MBOAT2: variants seen among roughly 807,000 people sequenced by gnomAD.
The protein encoded by MBOAT2 is membrane-bound glycerophospholipid O-acyltransferase 2.
Under a neutral mutation model 63.4 loss-of-function variants are expected in MBOAT2, and 28 were observed. The observed-to-expected ratio is 0.44, with a 90% confidence interval of 0.33 to 0.61. The LOEUF is 0.61. Among genes scored for constraint, MBOAT2 ranks in the 20% least tolerant of loss-of-function variants. The pLI, the probability that MBOAT2 is intolerant of heterozygous loss-of-function variation, is 0.03. For synonymous variants in MBOAT2, 211 were observed against 215.6 expected (o/e 0.98, Z 0.19); for missense variants, 470 against 605.8 (o/e 0.78, Z 2.35).
At position 8,885,020 on chromosome 2, in the gene MBOAT2, C is replaced by T. The variant is rs367634623; in HGVS notation, c.452-2455G>A. ...CACATTGCAGGTGGAGACTGAAAGC[C>T]TGCCACTGCTGCTGTGTCTAACAGC... On this transcript the variant is annotated intron_variant, in intron 5 of 12. Transcript: ENST00000305997. Among the ~76,000 whole-genome samples, 35 of 152,358 alleles carry T rather than the reference C, an allele frequency of 2.3e-4. No individual in the cohort carries two copies. In the South Asian group the frequency reaches 7.0e-3, roughly 31 times the overall value.
At chr2:8,952,908 TC>T in intron 2 of MBOAT2, among the ~76,000 whole-genome samples, 1 of 152,194 alleles carries the variant, frequency 6.6e-6, no homozygotes, top group East Asian at 1.9e-4. Flanking sequence ...GAAGAATGGG[TC>T]TTTTGTTTTT....
At chr2:8,885,057 G>A (rs942239289) in intron 5 of MBOAT2, among the ~76,000 whole-genome samples, 1 of 152,196 alleles carries the variant, frequency 6.6e-6, no homozygotes, top group Non-Finnish European at 1.5e-5. Context: ...GATACGGGTA[G>A]TCCAGTGATT....
intron 9 of MBOAT2, 89 bp downstream of exon 9, chr2:8,868,357 A>T (rs1284709554): frequency 9.3e-7 from 1 of 1,073,382 alleles, no homozygotes; most frequent in Non-Finnish European, 1.4e-6. Context: ...AACCTTCAAT[A>T]CCACTCCTAG....
chr2:9,000,184 ATTG>A (rs148266984), intron 1 of MBOAT2, among the ~76,000 whole-genome samples: 3,207 of 152,356 alleles, frequency 0.021, 61 homozygotes, highest in Non-Finnish European at 0.035. Flanking sequence ...TTTTCAAAAC[ATTG>A]TTAATTAGCA....
intron 3 of MBOAT2, among the ~76,000 whole-genome samples, chr2:8,916,029 G>A (rs147341853): frequency 1.3e-5 from 2 of 152,290 alleles, no homozygotes; most frequent in East Asian, 3.9e-4. Context: ...CAGAGCTTTT[G>A]GAAAGGCCTT....
chr2:8,875,122 C>T (rs185416479), intron 7 of MBOAT2, among the ~76,000 whole-genome samples: 306 of 152,306 alleles, frequency 2.0e-3, no homozygotes, highest in African/African-American at 7.0e-3. Context: ...AGGTCCCCAA[C>T]AGAAGAGCCA....
intron 2 of MBOAT2, among the ~76,000 whole-genome samples, chr2:8,954,182 C>A (rs1669039173): frequency 1.3e-5 from 2 of 151,796 alleles, no homozygotes; most frequent in African/African-American, 4.8e-5. Flanking sequence ...GGCTTTGCTT[C>A]TATAGCCCTA....
chr2:8,889,451 T>C (rs1044308383), intron 4 of MBOAT2, among the ~76,000 whole-genome samples: 2 of 152,172 alleles, frequency 1.3e-5, no homozygotes, highest in African/African-American at 4.8e-5. Flanking sequence ...TAGGTTCCCT[T>C]AAAAAGTCAG....
chr2:8,955,199 G>A (rs1051626694), intron 2 of MBOAT2, among the ~76,000 whole-genome samples: 3 of 152,170 alleles, frequency 2.0e-5, no homozygotes, highest in Non-Finnish European at 2.9e-5. Flanking sequence ...GGCTTCATAC[G>A]TGCCTGGATT....
At chr2:8,934,893 G>A (rs1667554475) in intron 3 of MBOAT2, among the ~76,000 whole-genome samples, 1 of 152,080 alleles carries the variant, frequency 6.6e-6, no homozygotes, top group East Asian at 1.9e-4. Context: ...CTGCTAGATG[G>A]CACTTCCAAG....
chr2:8,966,997 C>A lies in MBOAT2; in HGVS notation c.76-8355G>T, dbSNP rs1670041679. 2.0e-5 allele frequency among the ~76,000 whole-genome samples: 3 copies of A among 152,156 alleles called. No individual in the cohort carries two copies. The South Asian group carries it at 6.2e-4, about 32-fold the overall frequency. On this transcript the variant is annotated intron_variant, in intron 1 of 12. Coordinates refer to ENST00000305997, the MANE Select transcript of MBOAT2 (RefSeq NM_138799.4). Reference sequence around the variant, plus strand: ...CTGGTTTATCTGTACAATGGGAAATCACACAGAACAACGAAGATGAAGAAA... The same window carrying A: ...CTGGTTTATCTGTACAATGGGAAATAACACAGAACAACGAAGATGAAGAAA...
At chr2:8,932,992 G>C (rs1384029127) in intron 3 of MBOAT2, among the ~76,000 whole-genome samples, 1 of 152,092 alleles carries the variant, frequency 6.6e-6, no homozygotes, top group Non-Finnish European at 1.5e-5. Context: ...ACCAAAAGTT[G>C]AAAAAATACC....
intron 1 of MBOAT2, among the ~76,000 whole-genome samples, chr2:8,991,890 TC>T (rs1671939049): frequency 6.6e-6 from 1 of 152,194 alleles, no homozygotes; most frequent in Non-Finnish European, 1.5e-5. Context: ...GTAGGGGCTT[TC>T]CCTTTAGCCT....
At chr2:8,968,061 G>A (rs1670131528) in intron 1 of MBOAT2, among the ~76,000 whole-genome samples, 1 of 152,034 alleles carries the variant, frequency 6.6e-6, no homozygotes, top group South Asian at 2.1e-4. Flanking sequence ...TTTGAGATCT[G>A]AGAACAGACA....
chr2:8,899,595 A>G lies in MBOAT2; in HGVS notation c.395+9026T>C, dbSNP rs529658412. 2.6e-5 allele frequency among the ~76,000 whole-genome samples: 4 copies of G among 152,256 alleles called. No individual in the cohort carries two copies. In the South Asian group the frequency reaches 8.3e-4, roughly 32 times the overall value. The stretch of plus-strand genomic sequence containing the variant: ...TGGTTGGGGGTTTCTGACCCAGAGA[A>G]CCTTTGTCTTATGGAGCAGTGCACC... On this transcript the variant is annotated intron_variant, in intron 4 of 12. Transcript: ENST00000305997.
intron 3 of MBOAT2, among the ~76,000 whole-genome samples, chr2:8,915,632 T>C (rs1182447596): frequency 1.3e-5 from 2 of 152,196 alleles, no homozygotes; most frequent in East Asian, 1.9e-4. Flanking sequence ...GGGAAGGGTG[T>C]TGGGGAAAGC....
chr2:8,968,460 A>C (rs1374371367), intron 1 of MBOAT2, among the ~76,000 whole-genome samples: 2 of 152,230 alleles, frequency 1.3e-5, no homozygotes, highest in Non-Finnish European at 2.9e-5. Context: ...AAAATTCTAA[A>C]AATCAGAGTG....
At chr2:8,916,948 A>C (rs1666225533) in intron 3 of MBOAT2, among the ~76,000 whole-genome samples, 1 of 152,224 alleles carries the variant, frequency 6.6e-6, no homozygotes, top group Non-Finnish European at 1.5e-5. Context: ...ACACTGGCCT[A>C]AGGTCAGACA....
chr2:8,896,964 G>A (rs1664528512), intron 4 of MBOAT2, among the ~76,000 whole-genome samples: 1 of 152,242 alleles, frequency 6.6e-6, no homozygotes, highest in African/African-American at 2.4e-5. Flanking sequence ...GGCTGTCAGT[G>A]GCCTCAGTGC....
Sources: allele counts gnomAD v4.1 joint callset (sites outside exome capture counted in the v4.1 genomes callset), GRCh38; gene constraint gnomAD v4.1.1; transcripts MANE v1.5; gene names NCBI Gene and HGNC (gene_info 2026-07-23, HGNC 2026-07-21).